PLCG2: variants seen among roughly 807,000 people sequenced by gnomAD.
PLCG2 encodes 1-phosphatidylinositol 4,5-bisphosphate phosphodiesterase gamma-2.
Under a neutral mutation model 175.6 loss-of-function variants are expected in PLCG2, and 69 were observed. That is an observed-to-expected ratio of 0.39 (90% CI 0.32 to 0.48). The LOEUF (loss-of-function observed/expected upper bound fraction) is 0.48. Ranked by LOEUF, PLCG2 falls within the 20% of genes least tolerant of loss-of-function variation. PLCG2 has a pLI of 0.91. For missense variants in PLCG2, 1,798 were observed against 1,650.9 expected (o/e 1.09, Z -1.54); for synonymous variants, 827 against 624.0 (o/e 1.33, Z -4.85).
chr16:81,854,279 C>G (rs1478329961), intron 2 of PLCG2, among the ~76,000 whole-genome samples, 165 bp from the exon 3 acceptor site: 1 of 152,142 alleles, frequency 6.6e-6, no homozygotes, highest in Admixed American at 6.5e-5. Context: ...AGCCCTTTGT[C>G]CATTTCCAGA....
chr16:81,937,611 TTTTC>T, intron 27 of PLCG2, 143 bp from the exon 28 acceptor site: 1 of 593,458 alleles, frequency 1.7e-6, no homozygotes, highest in South Asian at 2.6e-5. Context: ...AAACCCTATA[TTTTC>T]TTTGAGTGAG....
chr16:81,770,905 A>G (rs1199158152), intron 2 of PLCG2, among the ~76,000 whole-genome samples: 1 of 151,728 alleles, frequency 6.6e-6, no homozygotes, highest in Non-Finnish European at 1.5e-5. Flanking sequence ...AAAAAAACAA[A>G]AAATTAGCTG....
chr16:81,872,239 A>C (rs1261523297), intron 7 of PLCG2, among the ~76,000 whole-genome samples: 1 of 152,174 alleles, frequency 6.6e-6, no homozygotes, highest in East Asian at 1.9e-4. Flanking sequence ...AAGGCAGGAG[A>C]ATCACTTGAA....
intron 2 of PLCG2, among the ~76,000 whole-genome samples, chr16:81,765,964 T>G (rs895736047): frequency 1.1e-4 from 16 of 152,238 alleles, no homozygotes; most frequent in African/African-American, 3.9e-4. Context: ...TGCAGGCATT[T>G]GCTGTGAGTC....
intron 27 of PLCG2, among the ~76,000 whole-genome samples, chr16:81,937,081 T>G (rs1376644951): frequency 1.3e-5 from 2 of 152,230 alleles, no homozygotes; most frequent in African/African-American, 4.8e-5. Context: ...CAAACAGCGC[T>G]TGCATTTTGA....
chr16:81,924,195 C>T (rs1353314178), intron 22 of PLCG2, among the ~76,000 whole-genome samples: 3 of 152,244 alleles, frequency 2.0e-5, no homozygotes, highest in African/African-American at 2.4e-5. Context: ...GAAAAATTCA[C>T]TGCCCACTGA....
chr16:81,754,892 C>T (rs987055694), intron 1 of PLCG2, among the ~76,000 whole-genome samples: 1 of 152,136 alleles, frequency 6.6e-6, no homozygotes, highest in African/African-American at 2.4e-5. Context: ...TAATCTGATT[C>T]TGGATCAGAA....
chr16:81,871,790 A>G (rs1384375290), intron 7 of PLCG2, among the ~76,000 whole-genome samples: 2 of 152,162 alleles, frequency 1.3e-5, no homozygotes, highest in East Asian at 1.9e-4. Flanking sequence ...GCCTGAGAAT[A>G]TATTATCGGA....
At chr16:81,779,490 C>T (rs1026919173) in intron 1 of PLCG2, 66 bp downstream of exon 1, 3 of 151,778 alleles carry the variant, frequency 2.0e-5, no homozygotes, top group Non-Finnish European at 4.4e-5. Flanking sequence ...CGGGGACCGG[C>T]TCCCAGGGCG....
rs187444994 is a variant in PLCG2 at position 81,936,939 on chromosome 16, G to A, written c.3052+561G>A. ...AATCATTTATTTAATAAGTCCCCGTGGAGGCACATGTAGGTATTCCCCATT... is the reference window on the plus strand; with the variant it reads ...AATCATTTATTTAATAAGTCCCCGTAGAGGCACATGTAGGTATTCCCCATT... On this transcript the variant is annotated intron_variant, in intron 27 of 32. Coordinates refer to ENST00000564138, the MANE Select transcript of PLCG2 (RefSeq NM_002661.5). Among the ~76,000 whole-genome samples the A allele has an allele frequency of 8.8e-3, 1,309 of 149,566 alleles. 17 individuals carry two copies. Among genetic ancestry groups the A allele is most frequent in the African/African-American group, 0.032 (1,253 of 38,958 alleles).
intron 30 of PLCG2, among the ~76,000 whole-genome samples, chr16:81,945,078 A>G (rs1302314906): frequency 2.0e-5 from 3 of 152,214 alleles, no homozygotes; most frequent in Admixed American, 1.3e-4. Flanking sequence ...TAGGGGTGTA[A>G]AAGGAGAAAT....
chr16:81,897,726 G>A, intron 13 of PLCG2: 2 of 387,894 alleles, frequency 5.2e-6, no homozygotes, highest in Non-Finnish European at 5.2e-6. Context: ...GTGTATTTTG[G>A]TAGAGATAGG....
At chr16:81,792,784 C>G (rs943736350) in intron 2 of PLCG2, among the ~76,000 whole-genome samples, 2 of 152,114 alleles carry the variant, frequency 1.3e-5, no homozygotes, top group African/African-American at 4.8e-5. Flanking sequence ...TCAATTACCT[C>G]CCACTGGGTC....
Position 81,931,582 on chromosome 16 carries a change from C to G in PLCG2, c.2667C>G (p.Ala889=). 1 of 1,614,070 alleles carries G rather than the reference C, an allele frequency of 6.2e-7. No homozygotes were observed. Among genetic ancestry groups the G allele is most frequent in the Non-Finnish European group, 8.5e-7 (1 of 1,179,980 alleles). ...AGGGCGATCCTCCGGTGGAGTTTGCCACAGACAGGGTGGAGGAGCTCTTTG... is the reference window on the plus strand; with the variant it reads ...AGGGCGATCCTCCGGTGGAGTTTGCGACAGACAGGGTGGAGGAGCTCTTTG... The part of the protein sequence containing the change: ...KQQGDPPVEF[A]TDRVEELFEW... Residue 889 remains alanine, a synonymous_variant, in exon 25 of 33, where the codon GCC becomes GCG. Coordinates refer to ENST00000564138, the MANE Select transcript of PLCG2 (RefSeq NM_002661.5).
intron 23 of PLCG2, among the ~76,000 whole-genome samples, chr16:81,927,586 T>C (rs924971101): frequency 4.6e-5 from 7 of 152,158 alleles, no homozygotes; most frequent in Admixed American, 3.3e-4. Context: ...GCCTTCCTGG[T>C]GACTTTGCAA....
intron 31 of PLCG2, among the ~76,000 whole-genome samples, chr16:81,953,087 C>G (rs763136023): frequency 6.6e-6 from 1 of 152,150 alleles, no homozygotes; most frequent in Non-Finnish European, 1.5e-5. Context: ...AAGAAGACAC[C>G]AGACAAAAGT....
intron 2 of PLCG2, among the ~76,000 whole-genome samples, chr16:81,794,786 G>C (rs1295180762): frequency 6.6e-6 from 1 of 152,186 alleles, no homozygotes; most frequent in Admixed American, 6.5e-5. Flanking sequence ...AGGCAAGATG[G>C]CATTGTAGAA....
intron 2 of PLCG2, among the ~76,000 whole-genome samples, chr16:81,828,235 ATTTTTTTTTTTTTT>A (rs67992648): frequency 8.4e-5 from 5 of 59,400 alleles, no homozygotes; most frequent in South Asian, 8.9e-4. Flanking sequence ...GAGAAATGTC[ATTTTTTTTTTTTTT>A]TTTTTTTTTT....
chr16:81,928,718 G>A, intron 24 of PLCG2, 94 bp downstream of exon 24: 1 of 828,592 alleles, frequency 1.2e-6, no homozygotes. Flanking sequence ...GCTGACACAG[G>A]GTCCTGTCTT....
Sources: gnomAD v4.1 joint callset for allele counts (sites outside exome capture counted in the v4.1 genomes callset) on GRCh38, gnomAD v4.1.1 for gene constraint, MANE v1.5 for transcripts, NCBI Gene and HGNC (gene_info 2026-07-23, HGNC 2026-07-21) for gene names.